GIPC2: variants seen among roughly 807,000 people sequenced by gnomAD.
The protein encoded by GIPC2 is GIPC PDZ domain containing family member 2, also known as PDZ domain-containing protein GIPC2.
Under a neutral mutation model 30.6 loss-of-function variants are expected in GIPC2, and 30 were observed. That is an observed-to-expected ratio of 0.98 (90% CI 0.73 to 1.33). The LOEUF (loss-of-function observed/expected upper bound fraction) is 1.33, where lower values mean the gene tolerates loss of function less well. Ranked by LOEUF, GIPC2 falls within the 40% of genes most tolerant of loss-of-function variation. GIPC2 has a pLI of 0.00. For missense variants in GIPC2, 414 were observed against 390.3 expected (o/e 1.06, Z -0.51); for synonymous variants, 167 against 150.0 (o/e 1.11, Z -0.83).
intron 1 of GIPC2, among the ~76,000 whole-genome samples, chr1:78,052,966 G>A (rs1661221971): frequency 6.6e-6 from 1 of 152,162 alleles, no homozygotes; most frequent in South Asian, 2.1e-4. Context: ...TATCTTTCTG[G>A]TTCACAAATG....
rs546127172 is a variant in GIPC2, at chr1:78,125,792, C to T, written c.715-89C>T. The T allele has an allele frequency of 2.8e-4, 196 of 701,412 alleles. No homozygotes were observed. The Admixed American group carries it at 3.3e-3, about 12-fold the overall frequency. 43.4% of individuals were successfully genotyped at this position (701,412 alleles called of 1,614,324 possible). On this transcript the variant is annotated intron_variant, in intron 4 of 5. Transcript: ENST00000370759. The stretch of plus-strand genomic sequence containing the variant: ...TTAGCTGAAATACACAATTATGAAC[C>T]GGCTCCACATCAGGCTTTCTCTTGT...
chr1:78,111,305 T>C (rs1470350505), intron 3 of GIPC2, among the ~76,000 whole-genome samples: 1 of 152,110 alleles, frequency 6.6e-6, no homozygotes, highest in Non-Finnish European at 1.5e-5. Context: ...TTTACTCTTT[T>C]CTCTGGGCCC....
At chr1:78,105,936 G>T (rs1324495956) in intron 3 of GIPC2, among the ~76,000 whole-genome samples, 1 of 151,992 alleles carries the variant, frequency 6.6e-6, no homozygotes, top group Admixed American at 6.6e-5. Flanking sequence ...TGATTTATGT[G>T]TGGAAAAATG....
chr1:78,060,143 A>G (rs541713468), intron 1 of GIPC2, among the ~76,000 whole-genome samples: 4 of 151,930 alleles, frequency 2.6e-5, no homozygotes, highest in South Asian at 2.1e-4. Flanking sequence ...GCTGTAATCA[A>G]TTCGTAAGAT....
chr1:78,121,376 T>A (rs1372457586), intron 4 of GIPC2, among the ~76,000 whole-genome samples: 3 of 152,156 alleles, frequency 2.0e-5, no homozygotes, highest in Non-Finnish European at 4.4e-5. Context: ...GTGAATGCTG[T>A]CTGGGTTCCT....
At chr1:78,123,930 G>A (rs975712036) in intron 4 of GIPC2, among the ~76,000 whole-genome samples, 18 of 152,178 alleles carry the variant, frequency 1.2e-4, no homozygotes, top group African/African-American at 4.3e-4. Flanking sequence ...TTAAGGTTTA[G>A]TTCTTGTAAA....
chr1:78,082,653 A>C (rs989772785), intron 2 of GIPC2, among the ~76,000 whole-genome samples: 3 of 152,218 alleles, frequency 2.0e-5, no homozygotes, highest in Non-Finnish European at 4.4e-5. Context: ...TTTGTCAAAC[A>C]TGTGCCTGAC....
At chr1:78,050,856 G>A (rs947168455) in intron 1 of GIPC2, among the ~76,000 whole-genome samples, 3 of 151,830 alleles carry the variant, frequency 2.0e-5, no homozygotes, top group African/African-American at 4.8e-5. Context: ...GGATTGTCTC[G>A]ATCTCCTGAC....
chr1:78,061,222 G>A (rs897348258), intron 1 of GIPC2, among the ~76,000 whole-genome samples: 2 of 152,174 alleles, frequency 1.3e-5, no homozygotes, highest in East Asian at 3.8e-4. Flanking sequence ...CGTGTTCCTT[G>A]ACACTGCTTA....
At chr1:78,057,013 C>T (rs1439813218) in intron 1 of GIPC2, among the ~76,000 whole-genome samples, 6 of 152,084 alleles carry the variant, frequency 3.9e-5, no homozygotes, top group Non-Finnish European at 7.4e-5. Context: ...TTTGGCATCC[C>T]CAGTCACTGT....
chr1:78,080,455 T>C (rs549244469), intron 1 of GIPC2, among the ~76,000 whole-genome samples: 1 of 152,330 alleles, frequency 6.6e-6, no homozygotes, highest in South Asian at 2.1e-4. Context: ...TTGTCTAGCG[T>C]GAAGCCTGGC....
rs368937421 is a variant in GIPC2, at chr1:78,108,202, C to T, written c.608-11191C>T. ...TAGCTATCATTCTTTGTTAAAAGAA[C>T]GACCTTTTACCTTTCCAAATTAGAG... On this transcript the variant is annotated intron_variant, in intron 3 of 5. Transcript: ENST00000370759. Among the ~76,000 whole-genome samples, 225 of 152,198 alleles carry T rather than the reference C, an allele frequency of 1.5e-3. 4 individuals carry two copies. Among genetic ancestry groups the T allele is most frequent in the African/African-American group, 5.2e-3 (214 of 41,526 alleles).
chr1:78,073,230 A>G (rs1661657035), intron 1 of GIPC2, among the ~76,000 whole-genome samples: 1 of 151,290 alleles, frequency 6.6e-6, no homozygotes, highest in African/African-American at 2.4e-5. Flanking sequence ...CAGCCTCCTG[A>G]GTAGCTGGGA....
At chr1:78,058,867 T>C (rs180735995) in intron 1 of GIPC2, among the ~76,000 whole-genome samples, 12 of 152,330 alleles carry the variant, frequency 7.9e-5, no homozygotes, top group African/African-American at 2.4e-4. Flanking sequence ...AAATGATTCA[T>C]CAGTTATTCT....
chr1:78,047,788 T>C (rs1661123720), intron 1 of GIPC2, among the ~76,000 whole-genome samples: 1 of 152,224 alleles, frequency 6.6e-6, no homozygotes, highest in Admixed American at 6.5e-5. Flanking sequence ...GCTTAATACA[T>C]GGTAACTAAT....
At chr1:78,047,696 G>T (rs1557523556) in intron 1 of GIPC2, among the ~76,000 whole-genome samples, 2 of 152,134 alleles carry the variant, frequency 1.3e-5, no homozygotes, top group Non-Finnish European at 2.9e-5. Flanking sequence ...GTAAAATAGA[G>T]ATTAGAATAT....
At chr1:78,123,829 A>G (rs1013440959) in intron 4 of GIPC2, among the ~76,000 whole-genome samples, 3 of 152,198 alleles carry the variant, frequency 2.0e-5, no homozygotes, top group African/African-American at 7.2e-5. Flanking sequence ...AAAGGTTAAT[A>G]CCTGTTAATT....
Position 78,069,392 on chromosome 1 carries a change from A to G in GIPC2, c.241-11283A>G, listed in dbSNP as rs565012090. Among the ~76,000 whole-genome samples the G allele has an allele frequency of 9.6e-4, 146 of 152,016 alleles. 5 individuals carry two copies. The South Asian group carries it at 0.03, about 31-fold the overall frequency. On this transcript the variant is annotated intron_variant, in intron 1 of 5. Coordinates refer to ENST00000370759, the MANE Select transcript of GIPC2 (RefSeq NM_017655.6). ...TCTCAAACTTCCTGATGAAACATATAAGTGTGTGAGGTGGTCAGTGAATTT... is the reference window on the plus strand; with the variant it reads ...TCTCAAACTTCCTGATGAAACATATGAGTGTGTGAGGTGGTCAGTGAATTT...
chr1:78,102,912 G>GT (rs1662274371), intron 3 of GIPC2, among the ~76,000 whole-genome samples: 1 of 152,226 alleles, frequency 6.6e-6, no homozygotes, highest in African/African-American at 2.4e-5. Context: ...CTCTGGCACT[G>GT]TTTGGATTCT....
Sources: gnomAD v4.1 joint callset for allele counts (sites outside exome capture counted in the v4.1 genomes callset) on GRCh38, gnomAD v4.1.1 for gene constraint, MANE v1.5 for transcripts, NCBI Gene and HGNC (gene_info 2026-07-23, HGNC 2026-07-21) for gene names.